The following CDH18 variants were observed in gnomAD, a reference collection of about 807,000 sequenced individuals.
The protein encoded by CDH18 is cadherin-18.
A neutral mutation model predicts 67.9 loss-of-function variants in CDH18; 31 were observed. The ratio of observed to expected loss-of-function variants is 0.46; its 90% CI spans 0.34 to 0.62. CDH18 has a LOEUF of 0.62. CDH18 is among the 20% of genes least tolerant of loss of function. CDH18 has a pLI of 0.01. For missense variants in CDH18, 890 were observed against 975.5 expected (o/e 0.91, Z 1.17); for synonymous variants, 362 against 347.2 (o/e 1.04, Z -0.48).
At chr5:19,692,342 A>T (rs1402763228) in intron 5 of CDH18, among the ~76,000 whole-genome samples, 1 of 152,104 alleles carries the variant, frequency 6.6e-6, no homozygotes, top group South Asian at 2.1e-4. Flanking sequence ...TATGGCTAAG[A>T]CCTCAACAGC....
At chr5:20,423,725 C>T (rs1748040871) in intron 1 of CDH18, among the ~76,000 whole-genome samples, 1 of 150,522 alleles carries the variant, frequency 6.6e-6, no homozygotes, top group Non-Finnish European at 1.5e-5. Flanking sequence ...ACGGGCAGAT[C>T]ACGAGGTCAG....
At chr5:19,859,986 T>TAGGG (rs1784704948) in intron 2 of CDH18, among the ~76,000 whole-genome samples, 1 of 40,626 alleles carries the variant, frequency 2.5e-5, no homozygotes, top group South Asian at 1.1e-3. Flanking sequence ...CTTGTTTGCT[T>TAGGG]TGGGTGTGTG....
chr5:19,484,438 C>T (rs190914982), intron 11 of CDH18, among the ~76,000 whole-genome samples: 2 of 152,222 alleles, frequency 1.3e-5, no homozygotes, highest in Admixed American at 6.5e-5. Context: ...TATTGATGTC[C>T]GCAGTGCGCA....
At chr5:20,538,070 A>C (rs998391059) in intron 1 of CDH18, among the ~76,000 whole-genome samples, 3 of 147,208 alleles carry the variant, frequency 2.0e-5, no homozygotes, top group Non-Finnish European at 4.5e-5. Flanking sequence ...CCATAAGCTC[A>C]GAATTATGAG....
chr5:19,588,762 A>C (rs771881079), intron 7 of CDH18, among the ~76,000 whole-genome samples: 1 of 152,098 alleles, frequency 6.6e-6, no homozygotes, highest in Non-Finnish European at 1.5e-5. Context: ...AGTTTCTGAC[A>C]GAACAGACTT....
At chr5:20,305,488 G>T in intron 1 of CDH18, 2 of 1,209,780 alleles carry the variant, frequency 1.7e-6, no homozygotes, top group Non-Finnish European at 2.5e-6. Context: ...GCACTCGCTG[G>T]GTCTTGGGTG....
At chr5:20,123,332 A>C (rs4084799) in intron 2 of CDH18, among the ~76,000 whole-genome samples, 124,859 of 152,102 alleles carry the variant, frequency 0.82, 53,631 homozygotes, top group Non-Finnish European at 0.94. Context: ...ACCCCAGGAG[A>C]ACGCTGGAGG....
intron 1 of CDH18, among the ~76,000 whole-genome samples, chr5:20,300,292 T>TTGTG (rs796151202): frequency 6.6e-5 from 7 of 106,640 alleles, no homozygotes; most frequent in Admixed American, 1.2e-4. Flanking sequence ...ATAGATTAAG[T>TTGTG]TGTGTGTGTG....
chr5:19,623,891 G>A (rs1751090154), intron 5 of CDH18, among the ~76,000 whole-genome samples: 1 of 150,282 alleles, frequency 6.7e-6, no homozygotes, highest in African/African-American at 2.4e-5. Context: ...TACCAATTTA[G>A]TTATTGTGAC....
chr5:19,661,064 A>G (rs941811372), intron 5 of CDH18, among the ~76,000 whole-genome samples: 4 of 152,052 alleles, frequency 2.6e-5, no homozygotes, highest in Admixed American at 2.0e-4. Flanking sequence ...AAAAAAACAA[A>G]AGACAAAGAT....
intron 1 of CDH18, among the ~76,000 whole-genome samples, chr5:20,511,730 G>A (rs1755048343): frequency 6.6e-6 from 1 of 152,110 alleles, no homozygotes; most frequent in Admixed American, 6.6e-5. Context: ...AGTGGTGATT[G>A]TGGACCTCCT....
intron 2 of CDH18, among the ~76,000 whole-genome samples, chr5:20,041,330 T>A (rs541139645): frequency 6.6e-6 from 1 of 152,344 alleles, no homozygotes; most frequent in Admixed American, 6.5e-5. Context: ...GCCAGTCTTT[T>A]CATTTTTTGT....
intron 2 of CDH18, among the ~76,000 whole-genome samples, chr5:20,078,782 G>T (rs919448581): frequency 5.9e-5 from 9 of 151,608 alleles, no homozygotes; most frequent in African/African-American, 1.2e-4. Context: ...TATTTTTTTT[G>T]TGTGTGTGTT....
intron 10 of CDH18, among the ~76,000 whole-genome samples, chr5:19,504,676 A>T (rs1364522328): frequency 6.6e-6 from 1 of 152,110 alleles, no homozygotes; most frequent in African/African-American, 2.4e-5. Context: ...CCTCCAACAC[A>T]TACAAATATA....
At chr5:19,941,421 G>A (rs781719359) in intron 2 of CDH18, among the ~76,000 whole-genome samples, 7 of 152,162 alleles carry the variant, frequency 4.6e-5, no homozygotes, top group African/African-American at 1.7e-4. Context: ...GGACTGAGTA[G>A]AAGTAGTCCA....
chr5:20,541,584 T>C (rs1230754091), intron 1 of CDH18, among the ~76,000 whole-genome samples: 1 of 152,056 alleles, frequency 6.6e-6, no homozygotes, highest in East Asian at 1.9e-4. Context: ...CCCACACAGG[T>C]GCTGTAATAT....
rs149337024 is a variant in CDH18 at position 19,616,856 on chromosome 5, G to A, written c.644-4255C>T. Reference sequence around the variant, plus strand: ...AGGTGTCTCTTCCTGGTTTGCAGATGGCCACCGTCTTACCATGTCCTCACA... The same window carrying A: ...AGGTGTCTCTTCCTGGTTTGCAGATAGCCACCGTCTTACCATGTCCTCACA... On this transcript the variant is annotated intron_variant, in intron 5 of 12. Coordinates refer to ENST00000382275, the MANE Select transcript of CDH18 (RefSeq NM_004934.5). 4.6e-5 allele frequency among the ~76,000 whole-genome samples: 7 copies of A among 152,244 alleles called. No homozygotes were observed. The East Asian group carries it at 1.2e-3, about 25-fold the overall frequency.
At chr5:20,102,973 CAT>C (rs974669159) in intron 2 of CDH18, among the ~76,000 whole-genome samples, 2 of 152,068 alleles carry the variant, frequency 1.3e-5, no homozygotes, top group African/African-American at 4.8e-5. Context: ...ATAACAAAAA[CAT>C]AAAAATCCTG....
intron 2 of CDH18, among the ~76,000 whole-genome samples, chr5:20,054,185 C>A (rs1741701424): frequency 6.6e-6 from 1 of 151,964 alleles, no homozygotes; most frequent in South Asian, 2.1e-4. Context: ...GCCATAAAGG[C>A]AGGATGTTAC....
Sources: gnomAD v4.1 joint callset for allele counts (sites outside exome capture counted in the v4.1 genomes callset) on GRCh38, gnomAD v4.1.1 for gene constraint, MANE v1.5 for transcripts, NCBI Gene and HGNC (gene_info 2026-07-23, HGNC 2026-07-21) for gene names.